Variants in MRTFA observed in about 807,000 individuals in gnomAD.
MRTFA encodes myocardin related transcription factor A, also known as myocardin-related transcription factor A.
In MRTFA, 20 loss-of-function variants were observed where a neutral mutation model predicts 83.5. That is an observed-to-expected ratio of 0.24 (90% CI 0.17 to 0.35). MRTFA has a LOEUF of 0.35. Ranked by LOEUF, MRTFA falls within the 10% of genes least tolerant of loss-of-function variation. The pLI, the probability that MRTFA is intolerant of heterozygous loss-of-function variation, is 1.00. For synonymous variants in MRTFA, 659 were observed against 541.2 expected (o/e 1.22, Z -3.02); for missense variants, 1,200 against 1,224.7 (o/e 0.98, Z 0.30).
intron 3 of MRTFA, among the ~76,000 whole-genome samples, chr22:40,482,219 A>G (rs2054103889): frequency 6.6e-6 from 1 of 152,202 alleles, no homozygotes; most frequent in Non-Finnish European, 1.5e-5. Context: ...GGTAACAGGT[A>G]GAGCCAGAGT....
chr22:40,495,943 G>A (rs1157615501), intron 3 of MRTFA, among the ~76,000 whole-genome samples: 1 of 151,566 alleles, frequency 6.6e-6, no homozygotes, highest in African/African-American at 2.4e-5. Context: ...GCACACGCCT[G>A]TAATCCCAGC....
At chr22:40,538,592 A>G (rs2055230915) in intron 3 of MRTFA, among the ~76,000 whole-genome samples, 1 of 152,152 alleles carries the variant, frequency 6.6e-6, no homozygotes, top group African/African-American at 2.4e-5. Context: ...AAAAAATTAA[A>G]CAAGAAGCAA....
intron 4 of MRTFA, among the ~76,000 whole-genome samples, chr22:40,452,598 CG>C (rs1199981496): frequency 6.6e-6 from 1 of 151,842 alleles, no homozygotes; most frequent in East Asian, 1.9e-4. Flanking sequence ...TCGAGGTGGA[CG>C]GATCACCTGA....
In MRTFA at chr22:40,552,157, G is replaced by A; in HGVS notation, c.190C>T (p.Leu64Phe). 2.5e-6 allele frequency: 1 copy of A among 399,024 alleles called. No individual in the cohort carries two copies. The highest frequency in any genetic ancestry group is 4.4e-6 in the Non-Finnish European group (1 of 226,082). 24.7% of individuals were successfully genotyped at this position (399,024 alleles called of 1,614,324 possible). Reference sequence around the variant, plus strand: ...AAATTGGGATTCCTGCCAGGGTGGAGGCCTAGGGTCAGCTCGGGCTGCAAG... The same window carrying A: ...AAATTGGGATTCCTGCCAGGGTGGAAGCCTAGGGTCAGCTCGGGCTGCAAG... Residue 64 changes from leucine (L) to phenylalanine (F), a missense_variant, in exon 3 of 15, where the codon CTC becomes TTC. Physicochemically the swap from Leu to Phe is conservative, Grantham distance 22 (BLOSUM62 0). Coordinates refer to ENST00000355630, the MANE Select transcript of MRTFA (RefSeq NM_020831.6).
chr22:40,598,595 G>A (rs2056219292), intron 1 of MRTFA, among the ~76,000 whole-genome samples: 1 of 152,060 alleles, frequency 6.6e-6, no homozygotes, highest in Non-Finnish European at 1.5e-5. Flanking sequence ...CACTGTTTTT[G>A]AAATTACAAC....
chr22:40,581,743 C>T (rs2055950477), intron 2 of MRTFA, among the ~76,000 whole-genome samples: 2 of 152,064 alleles, frequency 1.3e-5, no homozygotes, highest in Admixed American at 6.5e-5. Flanking sequence ...AAAAAGTTTT[C>T]TTTGCAATTA....
intron 1 of MRTFA, among the ~76,000 whole-genome samples, chr22:40,608,970 G>T (rs574636777): frequency 6.6e-6 from 1 of 152,208 alleles, no homozygotes; most frequent in African/African-American, 2.4e-5. Context: ...TGGAGAAACT[G>T]GAACCCTTTA....
At chr22:40,491,983 G>A (rs1329606182) in intron 3 of MRTFA, among the ~76,000 whole-genome samples, 4 of 152,124 alleles carry the variant, frequency 2.6e-5, no homozygotes, top group Admixed American at 2.0e-4. Flanking sequence ...ACAAATACTC[G>A]AACCTTCCCG....
intron 12 of MRTFA, among the ~76,000 whole-genome samples, chr22:40,418,070 A>G (rs2052725170): frequency 6.6e-6 from 1 of 152,178 alleles, no homozygotes; most frequent in South Asian, 2.1e-4. Flanking sequence ...CCCACAGAGC[A>G]GCACTAGGGC....
intron 14 of MRTFA, among the ~76,000 whole-genome samples, chr22:40,414,528 G>C (rs1321924492): frequency 6.6e-6 from 1 of 152,092 alleles, no homozygotes; most frequent in Admixed American, 6.5e-5. Flanking sequence ...CACACTACAG[G>C]GTATGATTCA....
At chr22:40,431,720 G>T (rs1325503902) in intron 5 of MRTFA, among the ~76,000 whole-genome samples, 1 of 151,954 alleles carries the variant, frequency 6.6e-6, no homozygotes, top group Admixed American at 6.6e-5. Context: ...CTCTGAGGCT[G>T]GACTGACAAT....
chr22:40,417,734 T>A (rs1331474642), intron 12 of MRTFA: 8 of 514,926 alleles, frequency 1.6e-5, no homozygotes, highest in Non-Finnish European at 2.4e-5. Context: ...GTCTCTGGGC[T>A]GGGCTGGTCA....
In MRTFA at chr22:40,435,562, GAGA is replaced by G. The variant is rs1235647116; in HGVS notation, c.308-11_308-9del. The G allele has an allele frequency of 6.2e-7, 1 of 1,614,106 alleles. No homozygotes were observed. Among genetic ancestry groups the G allele is most frequent in the Admixed American group, 1.7e-5 (1 of 60,014 alleles). ...CGGCTGGACTTTTCAAAGCTGTTGA[GAGA>G]AGAACCGTAAAGATTACCTTCAAGC... On this transcript the variant is annotated splice_polypyrimidine_tract_variant and intron_variant, in intron 4 of 14. Coordinates refer to ENST00000355630, the MANE Select transcript of MRTFA (RefSeq NM_020831.6).
At chr22:40,620,103 G>A (rs550317892) in intron 1 of MRTFA, among the ~76,000 whole-genome samples, 1 of 149,354 alleles carries the variant, frequency 6.7e-6, no homozygotes, top group South Asian at 2.1e-4. Flanking sequence ...GACTACAGAC[G>A]CATACCACCA....
At chr22:40,630,034 C>A (rs2056625246) in intron 1 of MRTFA, among the ~76,000 whole-genome samples, 1 of 151,914 alleles carries the variant, frequency 6.6e-6, no homozygotes, top group South Asian at 2.1e-4. Flanking sequence ...CAGGACTGGC[C>A]AAGCACGGTG....
In MRTFA at chr22:40,411,560, T is replaced by C. The variant is rs766054505; in HGVS notation, c.2926A>G (p.Met976Val). The stretch of plus-strand genomic sequence containing the variant: ...TGGCCATCAGCCAGGTCCAGGCCCA[T>C]GGTGCTGCTGGGCTCAGGAACAAAG... The change falls in exon 15 of 15, where the codon ATG becomes GTG. Residue 976 changes from methionine (M) to valine (V), a missense_variant. By Grantham distance (21) the Met-to-Val change is conservative. Coordinates refer to ENST00000355630, the MANE Select transcript of MRTFA (RefSeq NM_020831.6). 3.1e-6 allele frequency: 5 copies of C among 1,613,774 alleles called. No individual in the cohort carries two copies. The highest frequency in any genetic ancestry group is 1.1e-5 in the South Asian group (1 of 90,998).
At chr22:40,415,327 A>C (rs942394809) in intron 14 of MRTFA, 3 of 152,472 alleles carry the variant, frequency 2.0e-5, no homozygotes, top group Admixed American at 2.0e-4. Flanking sequence ...CTGGTGAGAG[A>C]TGCGCCTCAG....
chr22:40,514,042 G>A (rs1293066003), intron 3 of MRTFA, among the ~76,000 whole-genome samples: 1 of 152,036 alleles, frequency 6.6e-6, no homozygotes, highest in Non-Finnish European at 1.5e-5. Context: ...ACCTGAGTGA[G>A]GTGAAGAGAT....
intron 6 of MRTFA, among the ~76,000 whole-genome samples, chr22:40,430,908 G>C (rs1160230714): frequency 7.2e-6 from 1 of 139,304 alleles, no homozygotes. Flanking sequence ...AAAAGGGAAA[G>C]ACATGTGCAG....
Sources: gnomAD v4.1 joint callset for allele counts (sites outside exome capture counted in the v4.1 genomes callset) on GRCh38, gnomAD v4.1.1 for gene constraint, MANE v1.5 for transcripts, NCBI Gene and HGNC (gene_info 2026-07-23, HGNC 2026-07-21) for gene names.